ENTREP1: variants seen among roughly 807,000 people sequenced by gnomAD.
The protein encoded by ENTREP1 is endosomal transmembrane epsin interactor 1, also known as Friedreich ataxia region gene X123.
chr9:69,337,133 G>C, the ENTREP1 span, among the ~76,000 whole-genome samples: 20 of 144,864 alleles, frequency 1.4e-4, no homozygotes, highest in Admixed American at 1.5e-3. Context: ...TCATGCCTCA[G>C]CCTCCTGAGT....
the ENTREP1 span, chr9:69,371,279 C>G: frequency 1.7e-6 from 1 of 580,096 alleles, no homozygotes. Context: ...AAAATAAGGA[C>G]TTGAGGTTAT....
At chr9:69,384,665 A>T in the ENTREP1 span, among the ~76,000 whole-genome samples, 1 of 152,202 alleles carries the variant, frequency 6.6e-6, no homozygotes, top group Non-Finnish European at 1.5e-5. Flanking sequence ...CTTTAAGGGA[A>T]CATTGTTATG....
At chr9:69,377,255 T>G in the ENTREP1 span, 2 of 729,870 alleles carry the variant, frequency 2.7e-6, no homozygotes, top group Non-Finnish European at 4.9e-6. Flanking sequence ...ACATGCATCC[T>G]CTCCTGAGAA....
chr9:69,325,243 GGCTCC>G, the ENTREP1 span: 7 of 1,085,022 alleles, frequency 6.5e-6, no homozygotes, highest in Non-Finnish European at 7.8e-6. Flanking sequence ...CCTTCGGCTC[GGCTCC>G]GCTCCGCGTC....
the ENTREP1 span, among the ~76,000 whole-genome samples, chr9:69,333,359 C>T: frequency 6.6e-6 from 1 of 151,436 alleles, no homozygotes; most frequent in Non-Finnish European, 1.5e-5. Flanking sequence ...GGCTGGAGTG[C>T]AGTGGTGTGA....
chr9:69,360,786 A>G, the ENTREP1 span, among the ~76,000 whole-genome samples: 4 of 152,228 alleles, frequency 2.6e-5, no homozygotes, highest in Admixed American at 2.6e-4. Context: ...CCTGGATTCC[A>G]TAGCTTCTTT....
the ENTREP1 span, chr9:69,377,881 C>T: frequency 1.1e-5 from 10 of 912,854 alleles, 1 homozygote; most frequent in South Asian, 6.0e-5. Flanking sequence ...ACTTGAGGAA[C>T]GTTAGCCCAA....
At chr9:69,371,557 T>C in the ENTREP1 span, 1 of 1,613,986 alleles carries the variant, frequency 6.2e-7, no homozygotes, top group Non-Finnish European at 8.5e-7. Context: ...GCTGGATTTA[T>C]CCTAGGCTGC....
chr9:69,358,001 A>G, the ENTREP1 span, among the ~76,000 whole-genome samples: 9 of 152,344 alleles, frequency 5.9e-5, no homozygotes, highest in South Asian at 1.5e-3. Context: ...CTTATTAACC[A>G]GTGACTAATC....
chr9:69,343,802 G>T, the ENTREP1 span, among the ~76,000 whole-genome samples: 1 of 152,134 alleles, frequency 6.6e-6, no homozygotes, highest in Non-Finnish European at 1.5e-5. Flanking sequence ...AATCAGTTGG[G>T]TGTTGTTGGG....
At chr9:69,344,134 G>T in the ENTREP1 span, among the ~76,000 whole-genome samples, 1 of 152,228 alleles carries the variant, frequency 6.6e-6, no homozygotes, top group Non-Finnish European at 1.5e-5. Flanking sequence ...TTCTGAATAT[G>T]ACTATGAGAA....
the ENTREP1 span, chr9:69,382,990 C>A: frequency 1.0e-6 from 1 of 981,222 alleles, no homozygotes; most frequent in Admixed American, 6.2e-5. Flanking sequence ...CATCTGGTAC[C>A]TTGGGCAGAG....
the ENTREP1 span, among the ~76,000 whole-genome samples, chr9:69,341,667 TGTG>T: frequency 6.6e-5 from 10 of 152,126 alleles, no homozygotes; most frequent in Middle Eastern, 3.2e-3. Context: ...TGAGATAGAT[TGTG>T]GTCTTTTTTT....
At chr9:69,371,667 C>A in the ENTREP1 span, 1 of 1,126,922 alleles carries the variant, frequency 8.9e-7, no homozygotes, top group Non-Finnish European at 1.4e-6. Flanking sequence ...GTCAGGTGTT[C>A]CTGGCGAGAC....
chr9:69,384,213 T>A, the ENTREP1 span, among the ~76,000 whole-genome samples: 1 of 149,196 alleles, frequency 6.7e-6, no homozygotes, highest in African/African-American at 2.5e-5. Context: ...AAAAAAAAAA[T>A]GATAAAATAA....
the ENTREP1 span, among the ~76,000 whole-genome samples, chr9:69,372,867 G>A: frequency 6.6e-6 from 1 of 151,276 alleles, no homozygotes; most frequent in Non-Finnish European, 1.5e-5. Context: ...TTTTAAAGTG[G>A]CCATTCTAAT....
At chr9:69,386,219 A>G in the ENTREP1 span, 1 of 271,672 alleles carries the variant, frequency 3.7e-6, no homozygotes, top group Admixed American at 5.3e-5. Context: ...GCTAGGTACT[A>G]CATGAAGACA....
chr9:69,360,875 T>TA, the ENTREP1 span, among the ~76,000 whole-genome samples: 26 of 146,554 alleles, frequency 1.8e-4, 1 homozygote, highest in African/African-American at 6.3e-4. Context: ...AAAACACATT[T>TA]AAAAAATCTT....
At chr9:69,390,224 C>T in the ENTREP1 span, among the ~76,000 whole-genome samples, 1 of 152,220 alleles carries the variant, frequency 6.6e-6, no homozygotes, top group South Asian at 2.1e-4. Flanking sequence ...ATTTAATTTT[C>T]CTTCTTTGGA....
Sources: gnomAD v4.1 joint callset for allele counts (sites outside exome capture counted in the v4.1 genomes callset) on GRCh38, gnomAD v4.1.1 for gene constraint, MANE v1.5 for transcripts, NCBI Gene and HGNC (gene_info 2026-07-23, HGNC 2026-07-21) for gene names.